TLK2: variants seen among roughly 807,000 people sequenced by gnomAD.
The protein encoded by TLK2 is tousled like kinase 2.
TLK2 carries 6 observed loss-of-function variants against 117.3 expected under a neutral mutation model. The ratio of observed to expected loss-of-function variants is 0.05; its 90% CI spans 0.03 to 0.10. The LOEUF (loss-of-function observed/expected upper bound fraction) is 0.10. Among genes scored for constraint, TLK2 ranks in the 10% least tolerant of loss-of-function variants. The pLI is 1.00. For synonymous variants in TLK2, 257 were observed against 316.7 expected, an observed-to-expected ratio of 0.81 and a Z score of 2.00; for missense variants, 299 against 901.2, an observed-to-expected ratio of 0.33 and a Z score of 8.56.
chr17:62,603,476 C>G (rs2083025987), intron 19 of TLK2, among the ~76,000 whole-genome samples: 1 of 151,948 alleles, frequency 6.6e-6, no homozygotes, highest in African/African-American at 2.4e-5. Flanking sequence ...CAGGTCTATA[C>G]CTCTGCTATA....
intron 17 of TLK2, among the ~76,000 whole-genome samples, chr17:62,599,364 C>T (rs2082710270): frequency 6.6e-6 from 1 of 152,234 alleles, no homozygotes. Flanking sequence ...CCTCAAATTG[C>T]TCAGTGGCCC....
At chr17:62,591,023 C>T (rs1015597996) in intron 16 of TLK2, among the ~76,000 whole-genome samples, 3 of 151,908 alleles carry the variant, frequency 2.0e-5, no homozygotes, top group African/African-American at 7.3e-5. Flanking sequence ...AGGCCGAGGC[C>T]GGTGGATCAT....
intron 7 of TLK2, chr17:62,551,659 C>T (rs1183313047): frequency 6.6e-6 from 1 of 150,898 alleles, no homozygotes; most frequent in Non-Finnish European, 1.5e-5. Flanking sequence ...GAGCCCAGAT[C>T]GTGCTACTGT....
intron 9 of TLK2, among the ~76,000 whole-genome samples, chr17:62,554,022 T>C (rs902230814): frequency 4.6e-5 from 7 of 152,210 alleles, no homozygotes; most frequent in African/African-American, 1.4e-4. Context: ...ATATTTCATC[T>C]AGAACTGTGG....
At chr17:62,607,947 G>C (rs1433455052) in intron 20 of TLK2, 94 bp from the exon 21 acceptor site, 2 of 1,003,826 alleles carry the variant, frequency 2.0e-6, no homozygotes, top group East Asian at 2.5e-5. Flanking sequence ...CAAATTAGAA[G>C]ATGTCTTATC....
chr17:62,491,157 CTT>C (rs2144691747), intron 2 of TLK2, among the ~76,000 whole-genome samples: 1 of 152,312 alleles, frequency 6.6e-6, no homozygotes, highest in South Asian at 2.1e-4. Flanking sequence ...TGTGTGAACT[CTT>C]GTGTCACTAT....
chr17:62,542,396 T>C (rs569545038), intron 7 of TLK2, among the ~76,000 whole-genome samples: 1 of 152,334 alleles, frequency 6.6e-6, no homozygotes, highest in African/African-American at 2.4e-5. Context: ...CTTGAGCCAC[T>C]GTACCTGGCC....
chr17:62,583,805 C>T (rs1015985666), intron 15 of TLK2, among the ~76,000 whole-genome samples: 8 of 151,870 alleles, frequency 5.3e-5, no homozygotes, highest in African/African-American at 1.9e-4. Context: ...TTTCAAATTC[C>T]TGACCTCGTG....
chr17:62,503,790 G>A (rs940030451), intron 2 of TLK2, among the ~76,000 whole-genome samples: 23 of 146,516 alleles, frequency 1.6e-4, no homozygotes, highest in South Asian at 1.3e-3. Context: ...GTGTAATGGC[G>A]TGATCTCAGC....
At chr17:62,578,964 C>T (rs192087192) in intron 14 of TLK2, among the ~76,000 whole-genome samples, 7 of 152,126 alleles carry the variant, frequency 4.6e-5, no homozygotes, top group Non-Finnish European at 8.8e-5. Flanking sequence ...AGATGACACT[C>T]GGTTTCTGAA....
At chr17:62,534,471 A>G (rs541842275) in intron 6 of TLK2, among the ~76,000 whole-genome samples, 2 of 152,358 alleles carry the variant, frequency 1.3e-5, no homozygotes, top group Middle Eastern at 3.4e-3. Flanking sequence ...AGTATTTTAC[A>G]GATTTTTGTT....
At chr17:62,483,932 T>TC (rs2072011230) in intron 2 of TLK2, among the ~76,000 whole-genome samples, 1 of 152,098 alleles carries the variant, frequency 6.6e-6, no homozygotes, top group Non-Finnish European at 1.5e-5. Flanking sequence ...TTCAAGCTAT[T>TC]CTCCTGCCTC....
intron 11 of TLK2, chr17:62,572,980 T>C (rs2080434504): frequency 9.1e-6 from 4 of 438,172 alleles, no homozygotes; most frequent in Admixed American, 4.0e-5. Context: ...TGTTCCTTCC[T>C]GTCCACTCTG....
At chr17:62,584,131 T>C (rs1475365491) in intron 15 of TLK2, among the ~76,000 whole-genome samples, 7 of 95,100 alleles carry the variant, frequency 7.4e-5, no homozygotes. Context: ...TTTTTTTTTT[T>C]TGATACGGAA....
chr17:62,607,653 GTT>G (rs1236344189), intron 20 of TLK2, among the ~76,000 whole-genome samples: 2 of 151,974 alleles, frequency 1.3e-5, no homozygotes, highest in African/African-American at 4.8e-5. Flanking sequence ...CTCTTTTTCT[GTT>G]TTTTGAGTTG....
intron 21 of TLK2, among the ~76,000 whole-genome samples, chr17:62,609,979 C>G (rs1247429546): frequency 6.6e-6 from 1 of 152,126 alleles, no homozygotes; most frequent in Non-Finnish European, 1.5e-5. Flanking sequence ...CTGGTAGCAC[C>G]TAACCCTTGG....
intron 3 of TLK2, 84 bp downstream of exon 3, chr17:62,520,928 T>G: frequency 6.7e-7 from 1 of 1,485,266 alleles, no homozygotes; most frequent in Non-Finnish European, 9.3e-7. Context: ...ATCCCAGCAC[T>G]TTGGGAGGCT....
intron 16 of TLK2, 87 bp downstream of exon 16, chr17:62,586,313 G>A (rs374180104): frequency 1.1e-6 from 1 of 929,046 alleles, no homozygotes; most frequent in Admixed American, 2.3e-5. Context: ...GTGCATTGTT[G>A]TTGGTTTTGT....
intron 2 of TLK2, among the ~76,000 whole-genome samples, chr17:62,485,433 A>G (rs978683653): frequency 2.0e-5 from 3 of 152,196 alleles, no homozygotes; most frequent in Non-Finnish European, 2.9e-5. Flanking sequence ...AAATCTCCAC[A>G]TCTATTACTT....
Sources: allele counts gnomAD v4.1 joint callset (sites outside exome capture counted in the v4.1 genomes callset), GRCh38; gene constraint gnomAD v4.1.1; transcripts MANE v1.5; gene names NCBI Gene and HGNC (gene_info 2026-07-23, HGNC 2026-07-21).